The following DPYD variants were observed in gnomAD, a reference collection of about 807,000 sequenced individuals.
DPYD encodes the protein dihydropyrimidine dehydrogenase, also known as dihydropyrimidine dehydrogenase [NADP(+)].
A neutral mutation model predicts 116.2 loss-of-function variants in DPYD; 109 were observed. The observed-to-expected ratio is 0.94, with a 90% CI of 0.80 to 1.10. The LOEUF (loss-of-function observed/expected upper bound fraction) is 1.10, where lower values mean the gene tolerates loss of function less well. Among genes scored for constraint, DPYD ranks in the 50% least tolerant of loss-of-function variants. DPYD has a pLI of 0.00. For synonymous variants in DPYD, 440 were observed against 432.0 expected (o/e 1.02, Z -0.23); for missense variants, 1,302 against 1,254.5 (o/e 1.04, Z -0.57).
chr1:97,229,948 T>TA lies in DPYD; in HGVS notation c.2442+4903dup, dbSNP rs79122983. 4.6e-3 allele frequency among the ~76,000 whole-genome samples: 707 copies of TA among 152,138 alleles called. 3 individuals are homozygous for TA. Among genetic ancestry groups the TA allele is most frequent in the East Asian group, 0.016 (81 of 5,162 alleles). On this transcript the variant is annotated intron_variant, in intron 19 of 22. Transcript: ENST00000370192. ...TTGTATCCCCTCTTCACAATTCTGG[T>TA]AAAAACAAAACAAAACAAAAAACCC...
chr1:97,419,507 T>C (rs1333250526), intron 14 of DPYD, among the ~76,000 whole-genome samples: 1 of 152,208 alleles, frequency 6.6e-6, no homozygotes, highest in African/African-American at 2.4e-5. Flanking sequence ...TTTAATGACA[T>C]CTTTGAAAAT....
chr1:97,285,386 C>A (rs1227278641), intron 18 of DPYD, among the ~76,000 whole-genome samples: 2 of 152,120 alleles, frequency 1.3e-5, no homozygotes, highest in Non-Finnish European at 2.9e-5. Context: ...ATAAAAGTGC[C>A]AAGTGCTTCA....
At chr1:97,190,505 A>T (rs994545550) in intron 20 of DPYD, among the ~76,000 whole-genome samples, 6 of 152,124 alleles carry the variant, frequency 3.9e-5, no homozygotes, top group Admixed American at 1.3e-4. Context: ...AAGCACCAAG[A>T]GTTTGACATC....
At chr1:97,920,293 C>A (rs1421450486) in intron 1 of DPYD, among the ~76,000 whole-genome samples, 1 of 152,084 alleles carries the variant, frequency 6.6e-6, no homozygotes, top group Non-Finnish European at 1.5e-5. Flanking sequence ...GAGAAAAATA[C>A]AGTTAGTTTT....
chr1:97,609,358 T>C (rs986489224), intron 8 of DPYD, among the ~76,000 whole-genome samples: 2 of 151,986 alleles, frequency 1.3e-5, no homozygotes, highest in African/African-American at 4.8e-5. Context: ...TGTCAATGTA[T>C]TCTACAGAAG....
intron 2 of DPYD, among the ~76,000 whole-genome samples, chr1:97,875,035 T>A (rs182427017): frequency 6.6e-6 from 1 of 151,952 alleles, no homozygotes; most frequent in African/African-American, 2.4e-5. Context: ...TAATGATTCA[T>A]TGTTTCATGC....
At chr1:97,373,703 C>T (rs1055314912) in intron 15 of DPYD, 59 bp from the exon 16 acceptor site, 6 of 1,436,546 alleles carry the variant, frequency 4.2e-6, no homozygotes, top group East Asian at 2.3e-5. Flanking sequence ...TACCAATAGG[C>T]TTTCACCGTT....
At chr1:97,714,020 AG>A (rs1222775189) in intron 5 of DPYD, among the ~76,000 whole-genome samples, 1 of 152,086 alleles carries the variant, frequency 6.6e-6, no homozygotes, top group African/African-American at 2.4e-5. Flanking sequence ...AATTTATCTT[AG>A]TTATAGATTA....
chr1:97,317,134 ACTTT>A (rs1292795473), intron 16 of DPYD, among the ~76,000 whole-genome samples: 2 of 151,892 alleles, frequency 1.3e-5, no homozygotes, highest in Admixed American at 6.6e-5. Flanking sequence ...ATGAGCTTGA[ACTTT>A]CTTTATGTGT....
At chr1:97,769,435 G>T (rs188602221) in intron 3 of DPYD, among the ~76,000 whole-genome samples, 7 of 152,136 alleles carry the variant, frequency 4.6e-5, no homozygotes, top group African/African-American at 1.7e-4. Context: ...TATCATGCTG[G>T]AAAACATTTG....
intron 2 of DPYD, among the ~76,000 whole-genome samples, chr1:97,859,448 C>T (rs760937995): frequency 2.0e-5 from 3 of 152,212 alleles, no homozygotes; most frequent in East Asian, 1.9e-4. Flanking sequence ...CCCTTTGTTT[C>T]GGGTTAAAAG....
At chr1:97,550,477 A>G (rs1400706643) in intron 11 of DPYD, among the ~76,000 whole-genome samples, 4 of 152,304 alleles carry the variant, frequency 2.6e-5, no homozygotes, top group African/African-American at 9.6e-5. Flanking sequence ...TCTTTAAGAA[A>G]AATATCTAAC....
intron 13 of DPYD, among the ~76,000 whole-genome samples, chr1:97,492,793 G>C (rs2101908061): frequency 6.6e-6 from 1 of 151,928 alleles, no homozygotes; most frequent in South Asian, 2.1e-4. Flanking sequence ...AAATATACAG[G>C]CTTTTGGGTA....
chr1:97,297,553 C>A lies in DPYD; in HGVS notation c.2299+7706G>T, dbSNP rs576045394. Among the ~76,000 whole-genome samples the A allele has an allele frequency of 4.6e-5, 7 of 152,272 alleles. No individual in the cohort carries two copies. The East Asian group carries it at 1.4e-3, about 29-fold the overall frequency. ...GTGCATAGTGTAACAGTGCTAACAG[C>A]AGGGACACTGCATTGAAATAGCATA... On this transcript the variant is annotated intron_variant, in intron 18 of 22. Transcript: ENST00000370192.
intron 15 of DPYD, 78 bp from the exon 16 acceptor site, chr1:97,373,722 A>T: frequency 7.9e-7 from 1 of 1,258,940 alleles, no homozygotes. Context: ...TTGATAACAC[A>T]AGTCACATTT....
chr1:97,740,325 C>T (rs1025320519), intron 4 of DPYD, 67 bp downstream of exon 4: 2 of 1,328,822 alleles, frequency 1.5e-6, no homozygotes, highest in Admixed American at 3.4e-5. Flanking sequence ...GTATTCTGTA[C>T]CCACAGATAA....
chr1:97,280,748 G>C (rs1458950717), intron 18 of DPYD, among the ~76,000 whole-genome samples: 1 of 152,132 alleles, frequency 6.6e-6, no homozygotes. Context: ...AGGGGTAGGG[G>C]GAGCAGGGGC....
At position 97,229,586 on chromosome 1, in the gene DPYD, AT is replaced by A. The variant is rs371383437; in HGVS notation, c.2442+5265del. Among the ~76,000 whole-genome samples the A allele has an allele frequency of 4.2e-3, 266 of 63,524 alleles. 4 individuals carry two copies. Among genetic ancestry groups the A allele is most frequent in the African/African-American group, 0.015 (249 of 16,688 alleles). 41.7% of individuals were successfully genotyped at this position (63,524 alleles called of 152,430 possible). A position where few individuals can be genotyped will look rare whatever the true frequency, so the allele number is the denominator to read the frequency against. On this transcript the variant is annotated intron_variant, in intron 19 of 22. Transcript: ENST00000370192. ...TATATATATATATATATATATATAT[AT>A]ATACTGATTTTAATTCATACTTTAG...
At chr1:97,254,050 A>G (rs1487985765) in intron 18 of DPYD, among the ~76,000 whole-genome samples, 2 of 152,116 alleles carry the variant, frequency 1.3e-5, no homozygotes, top group African/African-American at 2.4e-5. Flanking sequence ...AATATTACTT[A>G]AGTTACTTTA....
Sources: gnomAD v4.1 joint callset for allele counts (sites outside exome capture counted in the v4.1 genomes callset) on GRCh38, gnomAD v4.1.1 for gene constraint, MANE v1.5 for transcripts, NCBI Gene and HGNC (gene_info 2026-07-23, HGNC 2026-07-21) for gene names.